Variants in MACF1 observed in about 807,000 individuals in gnomAD.
MACF1 encodes the protein microtubule-actin cross-linking factor 1.
A neutral mutation model predicts 854.8 loss-of-function variants in MACF1; 193 were observed. The ratio of observed to expected loss-of-function variants is 0.23; its 90% CI spans 0.20 to 0.25. The LOEUF is 0.25. Among genes scored for constraint, MACF1 ranks in the 10% least tolerant of loss-of-function variants. MACF1 has a pLI of 1.00. For missense variants in MACF1, 7,722 were observed against 8,929.1 expected, an observed-to-expected ratio of 0.86 and a Z score of 5.45; for synonymous variants, 3,185 against 3,226.7, an observed-to-expected ratio of 0.99 and a Z score of 0.44.
At chr1:39,289,806 A>C (rs1011858337) in intron 15 of MACF1, among the ~76,000 whole-genome samples, 2 of 143,024 alleles carry the variant, frequency 1.4e-5, no homozygotes, top group African/African-American at 5.3e-5. Context: ...ATTCTAAGCA[A>C]TTCTCATGCC....
chr1:39,197,835 A>G (rs1277997643), intron 2 of MACF1, among the ~76,000 whole-genome samples: 1 of 152,212 alleles, frequency 6.6e-6, no homozygotes, highest in African/African-American at 2.4e-5. Context: ...GTAGTGAGCT[A>G]TGATCACACC....
At chr1:39,237,577 T>G (rs578048137) in intron 2 of MACF1, among the ~76,000 whole-genome samples, 33 of 152,284 alleles carry the variant, frequency 2.2e-4, no homozygotes, top group African/African-American at 7.9e-4. Flanking sequence ...TTTTAACAGC[T>G]AGGGAAAATG....
At chr1:39,370,750 A>G (rs1312061713) in intron 51 of MACF1, among the ~76,000 whole-genome samples, 2 of 152,176 alleles carry the variant, frequency 1.3e-5, no homozygotes, top group Non-Finnish European at 2.9e-5. Context: ...GAGTGCCAGG[A>G]GCATTTGCTG....
At position 39,424,161 on chromosome 1, in the gene MACF1, G is replaced by A; in HGVS notation, c.16283G>A (p.Arg5428Lys). 1 of 1,613,702 alleles carries A rather than the reference G, an allele frequency of 6.2e-7. No homozygotes were observed. The highest frequency in any genetic ancestry group is 2.2e-5 in the East Asian group (1 of 44,842). The change falls in exon 61 of 101, where the codon AGA becomes AAA. Residue 5428 changes from arginine (R) to lysine (K), a missense_variant. Coordinates refer to ENST00000564288, the MANE Select transcript of MACF1 (RefSeq NM_001394062.1). ...GGACAGCTGGAGAGTCTTGAAAGTA[G>A]ATGGACTGAACTACTCAGTAAGGCA... ...ITGQLESLES[R>K]WTELLSKAAA...
Position 39,333,550 on chromosome 1 carries a change from C to A in MACF1, c.6962C>A (p.Thr2321Asn). Residue 2321 changes from threonine to asparagine, a missense_variant, in exon 37 of 101, where the codon ACT becomes AAT. Transcript: ENST00000564288. ...TCCCGAGGCATTGTGCCAAGTCACACTGCCGTGAAGCTTATGGAGAAGCTG... is the reference window on the plus strand; with the variant it reads ...TCCCGAGGCATTGTGCCAAGTCACAATGCCGTGAAGCTTATGGAGAAGCTG... The part of the protein sequence containing the change: ...AISRGIVPSH[T>N]AVKLMEKLNM... 6.2e-7 allele frequency: 1 copy of A among 1,614,224 alleles called. No homozygotes were observed. The highest frequency in any genetic ancestry group is 8.5e-7 in the Non-Finnish European group (1 of 1,180,030).
intron 45 of MACF1, 99 bp from the exon 46 acceptor site, chr1:39,358,597 AG>A: frequency 9.3e-7 from 1 of 1,070,402 alleles, no homozygotes; most frequent in Non-Finnish European, 1.4e-6. Flanking sequence ...CTGAAGTTAC[AG>A]TGAGTTGTCT....
intron 58 of MACF1, among the ~76,000 whole-genome samples, chr1:39,415,142 A>G (rs560533225): frequency 6.6e-6 from 1 of 152,218 alleles, no homozygotes; most frequent in Non-Finnish European, 1.5e-5. Flanking sequence ...TTAAATGCAA[A>G]TATGTGTTTC....
At chr1:39,276,196 A>G (rs1645433546) in intron 6 of MACF1, among the ~76,000 whole-genome samples, 1 of 152,140 alleles carries the variant, frequency 6.6e-6, no homozygotes, top group Non-Finnish European at 1.5e-5. Context: ...GTGGGATTAC[A>G]GGAGTGAGCC....
At chr1:39,253,575 A>G (rs1645066199) in intron 4 of MACF1, among the ~76,000 whole-genome samples, 2 of 132,730 alleles carry the variant, frequency 1.5e-5, no homozygotes, top group South Asian at 4.9e-4. Context: ...GTACGGTGGC[A>G]TGATCTTGGC....
chr1:39,115,089 A>G (rs1030706046), intron 2 of MACF1, among the ~76,000 whole-genome samples: 1 of 152,164 alleles, frequency 6.6e-6, no homozygotes, highest in South Asian at 2.1e-4. Context: ...TGTATGTCAT[A>G]TTGTATAGAG....
chr1:39,432,997 A>C, intron 67 of MACF1, 51 bp from the exon 68 acceptor site: 1 of 1,183,220 alleles, frequency 8.5e-7, no homozygotes, highest in African/African-American at 1.5e-5. Context: ...ACCTTTAGTA[A>C]TAACAGGAAA....
chr1:39,386,790 C>T (rs891049109), intron 57 of MACF1, among the ~76,000 whole-genome samples: 4 of 152,116 alleles, frequency 2.6e-5, no homozygotes, highest in African/African-American at 9.7e-5. Flanking sequence ...GTCTTGAACT[C>T]CTGGGCTCAA....
Position 39,428,249 on chromosome 1 carries a change from A to C in MACF1, c.16765A>C (p.Lys5589Gln), listed in dbSNP as rs146853404. 7.4e-6 allele frequency: 12 copies of C among 1,613,512 alleles called. No homozygotes were observed. The African/African-American group carries it at 1.5e-4, about 20-fold the overall frequency. Residue 5589 changes from lysine to glutamine, a missense_variant, in exon 63 of 101, where the codon AAA (lysine) becomes CAA (glutamine). Around this residue, in one of 15 missense-constraint regions of MACF1, gnomAD observed 2,807 missense variants for 3,235.8 expected, o/e 0.87. Coordinates refer to ENST00000564288, the MANE Select transcript of MACF1 (RefSeq NM_001394062.1). ...KLSSVFVKDF[K>Q]QDVLHRQHAD... is the part of the protein sequence containing the mutation. ...CAGTTCAGTGTTCGTAAAGGATTTC[A>C]AACAGGATGTCCTGCACAGGCAGCA... is the stretch of plus-strand genomic sequence containing the variant.
chr1:39,315,773 T>A, intron 27 of MACF1, 82 bp downstream of exon 27: 1 of 1,341,478 alleles, frequency 7.5e-7, no homozygotes, highest in Non-Finnish European at 1.0e-6. Flanking sequence ...ATTTCATGAA[T>A]AATACAGAGA....
At chr1:39,412,869 A>T (rs1002563002) in intron 58 of MACF1, 81 of 1,608,752 alleles carry the variant, frequency 5.0e-5, no homozygotes, top group Non-Finnish European at 6.7e-5. Flanking sequence ...CCCCAGAGGG[A>T]ACTGCTGTAG....
Position 39,442,170 on chromosome 1 carries a change from A to G in MACF1, c.18798A>G (p.Gln6266=). 6.3e-7 allele frequency: 1 copy of G among 1,594,246 alleles called. No individual in the cohort carries two copies. Among genetic ancestry groups the G allele is most frequent in the South Asian group, 1.1e-5 (1 of 88,252 alleles). Residue 6266 remains glutamine (Q), a synonymous_variant, in exon 76 of 101, where the codon CAA becomes CAG. Transcript: ENST00000564288. The part of the protein sequence containing the change: ...EMKEFKVEVY[Q]QQIEMEKLNH... ...AGGAGTTCAAAGTAGAAGTTTACCA[A>G]CAGCAAATTGAGATGGAGAAGCTTA...
intron 52 of MACF1, among the ~76,000 whole-genome samples, chr1:39,375,986 T>A (rs1387188248): frequency 1.3e-5 from 2 of 152,228 alleles, no homozygotes; most frequent in Non-Finnish European, 2.9e-5. Flanking sequence ...ATTACACATG[T>A]GCTATAGATG....
chr1:39,303,027 T>C lies in MACF1; in HGVS notation c.2738T>C (p.Val913Ala). Residue 913 changes from valine (V) to alanine (A), a missense_variant, in exon 23 of 101, where the codon GTC becomes GCC. This residue lies in a region of MACF1 where 1,137 missense variants were observed against 1,263.0 expected (regional missense o/e 0.90). Coordinates refer to ENST00000564288, the MANE Select transcript of MACF1 (RefSeq NM_001394062.1). ...GGGAACGAGGCAATGGTGCCGTCAG[T>C]CTGCTTCCTCATCCCCCCACCCAAT... ...PTGNEAMVPSVCFLIPPPNKD... is the reference protein window; with the variant it reads ...PTGNEAMVPSACFLIPPPNKD... 2 of 1,614,218 alleles carry C rather than the reference T, an allele frequency of 1.2e-6. No homozygotes were observed. Among genetic ancestry groups the C allele is most frequent in the Admixed American group, 3.3e-5 (2 of 60,026 alleles).
chr1:39,162,277 C>T (rs1428688768), intron 2 of MACF1, among the ~76,000 whole-genome samples: 3 of 152,196 alleles, frequency 2.0e-5, no homozygotes, highest in African/African-American at 7.2e-5. Context: ...GCTGGGATTA[C>T]AGGCGTGAGC....
Sources: allele counts gnomAD v4.1 joint callset (sites outside exome capture counted in the v4.1 genomes callset), GRCh38; gene constraint gnomAD v4.1.1; regional missense constraint gnomAD v4.1.1; transcripts MANE v1.5; gene names NCBI Gene and HGNC (gene_info 2026-07-23, HGNC 2026-07-21).